ANKEF1: variants seen among roughly 807,000 people sequenced by gnomAD.
ANKEF1 encodes ankyrin repeat and EF-hand domain containing 1.
ANKEF1 carries 43 observed loss-of-function variants against 65.1 expected under a neutral mutation model. That is an observed-to-expected ratio of 0.66 (90% CI 0.52 to 0.85). The LOEUF (loss-of-function observed/expected upper bound fraction) is 0.85. ANKEF1 is among the 40% of genes least tolerant of loss of function. ANKEF1 has a pLI of 0.00. For synonymous variants in ANKEF1, 316 were observed against 341.5 expected (o/e 0.93, Z 0.82); for missense variants, 934 against 952.9 (o/e 0.98, Z 0.26).
intron 3 of ANKEF1, among the ~76,000 whole-genome samples, chr20:10,040,898 C>A (rs1984146079): frequency 6.6e-6 from 1 of 151,616 alleles, no homozygotes; most frequent in Non-Finnish European, 1.5e-5. Context: ...TCTGTTCCTG[C>A]CTTCTATGTC....
In ANKEF1 at chr20:10,043,153, G is replaced by A. The variant is rs750663943; in HGVS notation, c.378G>A (p.Lys126=). Residue 126 remains lysine (K), a synonymous_variant, in exon 4 of 11, where the codon AAG becomes AAA. Transcript: ENST00000378392. The part of the protein sequence containing the change: ...GVLFYCILPT[K]RHYRCALIAL... Reference sequence around the variant, plus strand: ...TGTTTTACTGCATTTTACCGACTAAGCGGCATTATCGCTGTGCTCTGATCG... The same window carrying A: ...TGTTTTACTGCATTTTACCGACTAAACGGCATTATCGCTGTGCTCTGATCG... 3 of 1,614,118 alleles carry A rather than the reference G, an allele frequency of 1.9e-6. No homozygotes were observed. The South Asian group carries it at 3.3e-5, about 18-fold the overall frequency.
At chr20:10,038,045 G>T (rs1983958913) in intron 2 of ANKEF1, among the ~76,000 whole-genome samples, 1 of 151,968 alleles carries the variant, frequency 6.6e-6, no homozygotes, top group South Asian at 2.1e-4. Context: ...AAAACCACCT[G>T]GCAAACTATT....
intron 6 of ANKEF1, among the ~76,000 whole-genome samples, chr20:10,047,356 A>G (rs954574578): frequency 6.6e-6 from 1 of 152,202 alleles, no homozygotes; most frequent in Non-Finnish European, 1.5e-5. Context: ...ACCAGATCCT[A>G]TGTGGGTGAC....
At chr20:10,053,854 A>G (rs1407697024) in intron 9 of ANKEF1, among the ~76,000 whole-genome samples, 1 of 152,154 alleles carries the variant, frequency 6.6e-6, no homozygotes, top group Non-Finnish European at 1.5e-5. Flanking sequence ...GTGATTTGGA[A>G]CTTCTAAACT....
At position 10,054,593 on chromosome 20, in the gene ANKEF1, A is replaced by G. The variant is rs1414675436; in HGVS notation, c.2166A>G (p.Pro722=). The part of the protein sequence containing the change: ...YTKKVDITFI[P]RRIWSPEATT... ...AGAAAGTGGATATCACATTTATTCC[A>G]CGGAGGGTAAGTGCTTCGAAAAGAT... Residue 722 remains proline, a synonymous_variant, in exon 10 of 11, where the codon CCA becomes CCG. Coordinates refer to ENST00000378392, the MANE Select transcript of ANKEF1 (RefSeq NM_022096.6). 3.1e-6 allele frequency: 5 copies of G among 1,606,704 alleles called. No homozygotes were observed. The highest frequency in any genetic ancestry group is 4.2e-6 in the Non-Finnish European group (5 of 1,177,636).
chr20:10,053,374 G>A (rs1382384878), intron 9 of ANKEF1, 99 bp downstream of exon 9: 7 of 1,066,962 alleles, frequency 6.6e-6, no homozygotes, highest in African/African-American at 1.6e-5. Context: ...ATACAACATG[G>A]GTAAGATAAT....
rs1985041323 is a variant in ANKEF1, at chr20:10,054,559, G to T, written c.2132G>T (p.Gly711Val). ...VVHLNSLITS[G>V]YTKKVDITFI... ...CATCTGAATTCATTGATTACCAGTG[G>T]TTATACTAAGAAAGTGGATATCACA... The change falls in exon 10 of 11, where the codon GGT becomes GTT. Residue 711 changes from glycine (G) to valine (V), a missense_variant. Gly to Val is a moderately radical substitution (Grantham distance 109). Transcript: ENST00000378392. 1.2e-6 allele frequency: 2 copies of T among 1,609,646 alleles called. No individual in the cohort carries two copies. The highest frequency in any genetic ancestry group is 4.5e-5 in the East Asian group (2 of 44,646).
intron 1 of ANKEF1, 57 bp from the exon 2 acceptor site, chr20:10,035,522 T>C (rs1983788549): frequency 6.6e-6 from 1 of 152,244 alleles, no homozygotes; most frequent in Non-Finnish European, 1.5e-5. Flanking sequence ...GGAGCCTATA[T>C]TGAAGGACTT....
At chr20:10,051,569 C>A in intron 7 of ANKEF1, 94 bp from the exon 8 acceptor site, 1 of 945,248 alleles carries the variant, frequency 1.1e-6, no homozygotes, top group Non-Finnish European at 1.6e-6. Flanking sequence ...AATTTAGCAA[C>A]TTGATAGAAC....
At chr20:10,035,697 G>A (rs1422568357) in intron 2 of ANKEF1, 55 bp downstream of exon 2, 1 of 152,118 alleles carries the variant, frequency 6.6e-6, no homozygotes, top group Non-Finnish European at 1.5e-5. Context: ...AATGATACAG[G>A]GAAGGGAGGA....
chr20:10,043,328 C>T lies in ANKEF1; in HGVS notation c.546+7C>T. ...TCCTAATGCAATCAACTCAGTATGG[C>T]TATTCTTGTGATTACAAATATTTCT... On this transcript the variant is annotated splice_region_variant and intron_variant, in intron 4 of 10. Transcript: ENST00000378392. 1 of 1,611,832 alleles carries T rather than the reference C, an allele frequency of 6.2e-7. No homozygotes were observed. Among genetic ancestry groups the T allele is most frequent in the Non-Finnish European group, 8.5e-7 (1 of 1,178,512 alleles).
At chr20:10,037,970 A>G (rs1175186263) in intron 2 of ANKEF1, among the ~76,000 whole-genome samples, 1 of 152,220 alleles carries the variant, frequency 6.6e-6, no homozygotes, top group African/African-American at 2.4e-5. Flanking sequence ...AATTTAGTTA[A>G]CCTCAGCTTC....
chr20:10,049,979 A>G lies in ANKEF1; in HGVS notation c.1410A>G (p.Arg470=), dbSNP rs2122262086. 6.2e-7 allele frequency: 1 copy of G among 1,614,170 alleles called. No individual in the cohort carries two copies. Among genetic ancestry groups the G allele is most frequent in the Non-Finnish European group, 8.5e-7 (1 of 1,180,002 alleles). The change falls in exon 7 of 11, where the codon AGA becomes AGG. Residue 470 remains arginine (R), a synonymous_variant. Coordinates refer to ENST00000378392, the MANE Select transcript of ANKEF1 (RefSeq NM_022096.6). The stretch of plus-strand genomic sequence containing the variant: ...TCACTGATAGCAGCCGGTTTAATAG[A>G]GATCATCCCCCAGAACATCCCATTC... ...KNVTDSSRFN[R]DHPPEHPIQD... is the part of the protein sequence containing the mutation.
Position 10,035,050 on chromosome 20 carries a change from C to T in ANKEF1, c.-392C>T, listed in dbSNP as rs897065028. On this transcript the variant is annotated 5_prime_UTR_variant, in exon 1 of 11. Transcript: ENST00000378392. The stretch of plus-strand genomic sequence containing the variant: ...TCAGCCCGGTCCCTCCGGCTTCCAC[C>T]CCGCCCCCTGCGCTCACCTGCCCGC... The T allele has an allele frequency of 6.5e-6, 1 of 153,314 alleles. No homozygotes were observed. The allele number at this position is 153,314 out of a possible 1,614,324, so 9.5% of individuals were successfully genotyped here.
At position 10,056,539 on chromosome 20, in the gene ANKEF1, G is replaced by A. The variant is rs1003975522; in HGVS notation, c.*879G>A. 2.3e-5 allele frequency: 2 copies of A among 88,450 alleles called. No individual in the cohort carries two copies. Among genetic ancestry groups the A allele is most frequent in the African/African-American group, 4.1e-5 (1 of 24,646 alleles). The allele number at this position is 88,450 out of a possible 1,614,324, so 5.5% of individuals were successfully genotyped here. A position where few individuals can be genotyped will look rare whatever the true frequency, so the allele number is the denominator to read the frequency against. On this transcript the variant is annotated 3_prime_UTR_variant, in exon 11 of 11. Coordinates refer to ENST00000378392, the MANE Select transcript of ANKEF1 (RefSeq NM_022096.6). ...ATAGATAGATAGATAGATAGATAGAGATTTATTGCAAATAATTGGTTTACA... is the reference window on the plus strand; with the variant it reads ...ATAGATAGATAGATAGATAGATAGAAATTTATTGCAAATAATTGGTTTACA...
rs780110391 is a variant in ANKEF1, at chr20:10,055,561, G to A, written c.2232G>A (p.Glu744=). 3 of 1,613,832 alleles carry A rather than the reference G, an allele frequency of 1.9e-6. No homozygotes were observed. In the Admixed American group the frequency reaches 5.0e-5, roughly 27 times the overall value. The stretch of plus-strand genomic sequence containing the variant: ...TCAGGAAGAGGGAACTACGGCGAGA[G>A]AGGTTTACACATGAGGTGGACTTCG... The part of the protein sequence containing the change: ...ELIRKRELRR[E]RFTHEVDFDD... The change falls in exon 11 of 11, where the codon GAG becomes GAA. Residue 744 remains glutamate, a synonymous_variant. Coordinates refer to ENST00000378392, the MANE Select transcript of ANKEF1 (RefSeq NM_022096.6).
At chr20:10,035,999 G>A (rs1983825783) in intron 2 of ANKEF1, among the ~76,000 whole-genome samples, 1 of 152,226 alleles carries the variant, frequency 6.6e-6, no homozygotes, top group Non-Finnish European at 1.5e-5. Flanking sequence ...CTTGTATGTG[G>A]AGGATCCTAT....
chr20:10,056,529 G>GATA lies in ANKEF1; in HGVS notation c.*870_*872dup, dbSNP rs1249500887. The GATA allele has an allele frequency of 6.6e-6, 1 of 151,750 alleles. No homozygotes were observed. The highest frequency in any genetic ancestry group is 1.5e-5 in the Non-Finnish European group (1 of 67,926). The allele number at this position is 151,750 out of a possible 1,614,324, so 9.4% of individuals were successfully genotyped here. A position where few individuals can be genotyped will look rare whatever the true frequency, so the allele number is the denominator to read the frequency against. ...AGATAGATAGATAGATAGATAGATA[G>GATA]ATAGATAGAGATTTATTGCAAATAA... On this transcript the variant is annotated 3_prime_UTR_variant, in exon 11 of 11. Coordinates refer to ENST00000378392, the MANE Select transcript of ANKEF1 (RefSeq NM_022096.6).
chr20:10,053,425 T>C (rs1984980416), intron 9 of ANKEF1, 150 bp downstream of exon 9: 1 of 580,996 alleles, frequency 1.7e-6, no homozygotes, highest in Admixed American at 3.7e-5. Context: ...TATAGTACTT[T>C]TAAAGAAATA....
Sources: allele counts gnomAD v4.1 joint callset (sites outside exome capture counted in the v4.1 genomes callset), GRCh38; gene constraint gnomAD v4.1.1; transcripts MANE v1.5; gene names NCBI Gene and HGNC (gene_info 2026-07-23, HGNC 2026-07-21).